Variants in KAZN observed in about 807,000 individuals in gnomAD.
The protein encoded by KAZN is kazrin.
Under a neutral mutation model 87.4 loss-of-function variants are expected in KAZN, and 40 were observed. The observed-to-expected ratio is 0.46, with a 90% CI of 0.36 to 0.60. KAZN has a LOEUF of 0.60. KAZN is among the 20% of genes least tolerant of loss of function. The pLI is 0.00. For synonymous variants in KAZN, 466 were observed against 458.3 expected, an observed-to-expected ratio of 1.02 and a Z score of -0.22; for missense variants, 898 against 1,073.9, an observed-to-expected ratio of 0.84 and a Z score of 2.29.
At chr1:13,902,525 C>A (rs190239436) in intron 1 of KAZN, among the ~76,000 whole-genome samples, 1 of 152,082 alleles carries the variant, frequency 6.6e-6, no homozygotes, top group Non-Finnish European at 1.5e-5. Context: ...CAAACCCTGG[C>A]GGCTACCAGA....
At chr1:14,308,392 G>C (rs1177894033) in intron 2 of KAZN, among the ~76,000 whole-genome samples, 9 of 151,964 alleles carry the variant, frequency 5.9e-5, no homozygotes, top group Non-Finnish European at 4.4e-5. Context: ...AACTTAATTG[G>C]GTCAGGAAAA....
chr1:14,505,383 C>A (rs543074560), intron 2 of KAZN, among the ~76,000 whole-genome samples: 1 of 152,170 alleles, frequency 6.6e-6, no homozygotes, highest in Non-Finnish European at 1.5e-5. Flanking sequence ...GTCTACTATG[C>A]TTCTTCCTTC....
chr1:14,817,292 T>C (rs1455916499), intron 1 of KAZN, among the ~76,000 whole-genome samples: 1 of 152,188 alleles, frequency 6.6e-6, no homozygotes, highest in Non-Finnish European at 1.5e-5. Flanking sequence ...TTCATGGCCA[T>C]ATCTAAGACC....
At chr1:14,068,826 T>A (rs919456558) in intron 1 of KAZN, among the ~76,000 whole-genome samples, 1 of 139,764 alleles carries the variant, frequency 7.2e-6, no homozygotes, top group African/African-American at 2.7e-5. Flanking sequence ...TGAGACGGAG[T>A]CTTGTCTGTC....
chr1:14,460,818 C>G (rs1667814908), intron 2 of KAZN, among the ~76,000 whole-genome samples: 1 of 152,168 alleles, frequency 6.6e-6, no homozygotes, highest in Admixed American at 6.5e-5. Context: ...AGCATTTTAG[C>G]AAGTGTGATC....
intron 2 of KAZN, among the ~76,000 whole-genome samples, chr1:14,582,562 C>T (rs1675620507): frequency 6.6e-6 from 1 of 152,112 alleles, no homozygotes; most frequent in Non-Finnish European, 1.5e-5. Flanking sequence ...CCTTTACAAA[C>T]ACTTGTTCCC....
chr1:14,459,381 T>A lies in KAZN; in HGVS notation c.250-139602T>A, dbSNP rs1667740410. On this transcript the variant is annotated intron_variant, in intron 2 of 16. Coordinates refer to the KAZN transcript ENST00000636203. ...AGTGAGCTAAGGCTCTTTGTGTGAT[T>A]AATGTGAGGCAGAAATTGTGGCCAA... 2.0e-5 allele frequency among the ~76,000 whole-genome samples: 3 copies of A among 151,958 alleles called. No individual in the cohort carries two copies. In the South Asian group the frequency reaches 6.2e-4, roughly 32 times the overall value.
intron 1 of KAZN, among the ~76,000 whole-genome samples, chr1:14,096,397 G>T (rs987838624): frequency 6.6e-6 from 1 of 152,216 alleles, no homozygotes; most frequent in Non-Finnish European, 1.5e-5. Flanking sequence ...GCTTAAGAGT[G>T]AGCCAGATGC....
At chr1:14,394,162 T>C (rs1662696009) in intron 2 of KAZN, among the ~76,000 whole-genome samples, 1 of 152,260 alleles carries the variant, frequency 6.6e-6, no homozygotes, top group Non-Finnish European at 1.5e-5. Context: ...GCTTGGTTAG[T>C]GCGTTAACGC....
chr1:14,761,766 A>G (rs1267784254), intron 1 of KAZN, among the ~76,000 whole-genome samples: 2 of 152,086 alleles, frequency 1.3e-5, no homozygotes, highest in African/African-American at 4.8e-5. Context: ...CAAGCCTAAG[A>G]CTGCAGACCT....
At chr1:15,070,774 G>C (rs556335922) in intron 8 of KAZN, among the ~76,000 whole-genome samples, 1 of 152,182 alleles carries the variant, frequency 6.6e-6, no homozygotes, top group African/African-American at 2.4e-5. Flanking sequence ...TCGGGATGTC[G>C]AGGCTGCAAT....
At chr1:13,912,311 T>C (rs1639683281) in intron 1 of KAZN, among the ~76,000 whole-genome samples, 1 of 152,190 alleles carries the variant, frequency 6.6e-6, no homozygotes, top group African/African-American at 2.4e-5. Flanking sequence ...AACTGCTTTA[T>C]CTGGCCTCTG....
chr1:14,998,845 C>T lies in KAZN; in HGVS notation c.419-35904C>T, dbSNP rs1480132877. Among the ~76,000 whole-genome samples the T allele has an allele frequency of 9.2e-5, 14 of 152,300 alleles. 1 individual carries two copies. Among genetic ancestry groups the T allele is most frequent in the Admixed American group, 7.2e-4 (11 of 15,300 alleles). On this transcript the variant is annotated intron_variant, in intron 2 of 14. Coordinates refer to ENST00000376030, the MANE Select transcript of KAZN (RefSeq NM_201628.3). ...GATTACAGGCGTGGGCCACCGCACC[C>T]AGCCCAACTCCACTTTAGACTGGAA...
chr1:14,447,395 C>T (rs972067502), intron 2 of KAZN, among the ~76,000 whole-genome samples: 2 of 151,946 alleles, frequency 1.3e-5, no homozygotes, highest in South Asian at 4.2e-4. Context: ...CCTGCCACCA[C>T]ACCGGGCTAA....
chr1:13,948,386 C>A (rs1641223006), intron 1 of KAZN, among the ~76,000 whole-genome samples: 1 of 152,192 alleles, frequency 6.6e-6, no homozygotes, highest in African/African-American at 2.4e-5. Context: ...TTATAAGGGG[C>A]TTCCCCCTTC....
intron 2 of KAZN, among the ~76,000 whole-genome samples, chr1:14,582,492 C>A (rs577104967): frequency 6.6e-6 from 1 of 152,272 alleles, no homozygotes; most frequent in African/African-American, 2.4e-5. Flanking sequence ...ACCCTGATGG[C>A]ACTTTGGGTC....
intron 1 of KAZN, among the ~76,000 whole-genome samples, chr1:14,789,284 G>A (rs1173398148): frequency 6.6e-6 from 1 of 151,926 alleles, no homozygotes; most frequent in African/African-American, 2.4e-5. Flanking sequence ...CCAGAGTCAG[G>A]GAAGAACACA....
chr1:14,431,452 T>G lies in KAZN; in HGVS notation c.250-167531T>G, dbSNP rs114517789. Among the ~76,000 whole-genome samples, 477 of 152,340 alleles carry G rather than the reference T, an allele frequency of 3.1e-3. 1 individual carries two copies. Among genetic ancestry groups the G allele is most frequent in the African/African-American group, 0.011 (463 of 41,566 alleles). ...GATGAGGGCAGATAATGGGGACCTG[T>G]GATGGCTAATGTTAGATGTCCACTT... On this transcript the variant is annotated intron_variant, in intron 2 of 16. Coordinates refer to the KAZN transcript ENST00000636203.
chr1:14,145,579 A>T (rs1645330700), intron 1 of KAZN, among the ~76,000 whole-genome samples: 1 of 152,030 alleles, frequency 6.6e-6, no homozygotes, highest in African/African-American at 2.4e-5. Flanking sequence ...TTTATAAGAC[A>T]GTATACCTTT....
Sources: gnomAD v4.1 joint callset for allele counts (sites outside exome capture counted in the v4.1 genomes callset) on GRCh38, gnomAD v4.1.1 for gene constraint, MANE v1.5 for transcripts, NCBI Gene and HGNC (gene_info 2026-07-23, HGNC 2026-07-21) for gene names.